Variants in SLC25A43 observed in about 807,000 individuals in gnomAD.
SLC25A43 encodes the protein solute carrier family 25, member 43.
Under a neutral mutation model 22.8 loss-of-function variants are expected in SLC25A43, and 10 were observed. The observed-to-expected ratio is 0.44, with a 90% CI of 0.27 to 0.74. The LOEUF (loss-of-function observed/expected upper bound fraction) is 0.74. SLC25A43 is among the 30% of genes least tolerant of loss of function. The pLI is 0.17. For synonymous variants in SLC25A43, 106 were observed against 121.6 expected (o/e 0.87, Z 0.84); for missense variants, 233 against 279.1 (o/e 0.83, Z 1.18).
chrX:119,413,363 A>G (rs1276371131), intron 3 of SLC25A43, among the ~76,000 whole-genome samples: 1 of 111,501 alleles, frequency 9.0e-6, no homozygotes, highest in Non-Finnish European at 1.9e-5. Context: ...ATATAAAGAT[A>G]TATAAGGTTA....
intron 3 of SLC25A43, among the ~76,000 whole-genome samples, chrX:119,432,670 TC>T (rs1429219377): frequency 9.2e-6 from 1 of 108,142 alleles, no homozygotes; most frequent in Non-Finnish European, 1.9e-5. Flanking sequence ...ACACCTCTAA[TC>T]CCAGCTACTT....
At chrX:119,426,215 C>T in intron 3 of SLC25A43, 4 of 755,796 alleles carry the variant, frequency 5.3e-6, no homozygotes, top group South Asian at 6.7e-5. Context: ...CGGCTGTGTT[C>T]CTCTTGAGGC....
chrX:119,414,224 G>A (rs1010350244), intron 3 of SLC25A43, among the ~76,000 whole-genome samples: 1 of 112,065 alleles, frequency 8.9e-6, no homozygotes, highest in African/African-American at 3.2e-5. Flanking sequence ...TGTAAGTTTT[G>A]TATTTATGTC....
intron 3 of SLC25A43, among the ~76,000 whole-genome samples, chrX:119,429,794 T>C (rs1233981441): frequency 8.9e-6 from 1 of 111,763 alleles, no homozygotes; most frequent in South Asian, 3.8e-4. Context: ...AAGATTTCCC[T>C]GGGGAAATGA....
chrX:119,411,377 G>A (rs898005871), intron 3 of SLC25A43, among the ~76,000 whole-genome samples: 3 of 110,192 alleles, frequency 2.7e-5, no homozygotes, highest in African/African-American at 9.9e-5. Context: ...GCACATGCCT[G>A]TAATCCCAGC....
intron 3 of SLC25A43, among the ~76,000 whole-genome samples, chrX:119,416,996 G>T (rs2052407443): frequency 1.8e-5 from 2 of 111,852 alleles, no homozygotes; most frequent in Admixed American, 1.9e-4. Context: ...ACTGCCAGGG[G>T]CATCTCTCCA....
At chrX:119,452,395 G>A (rs932306535) in intron 4 of SLC25A43, among the ~76,000 whole-genome samples, 5 of 110,112 alleles carry the variant, frequency 4.5e-5, no homozygotes, top group Non-Finnish European at 9.5e-5. Context: ...GGAGGTTCAT[G>A]GGCCCCTAAT....
intron 3 of SLC25A43, among the ~76,000 whole-genome samples, chrX:119,414,097 T>C (rs1176888229): frequency 8.9e-6 from 1 of 112,334 alleles, no homozygotes; most frequent in Non-Finnish European, 1.9e-5. Context: ...TAATTATCAA[T>C]ATTAATTGTC....
chrX:119,410,504 C>G, intron 3 of SLC25A43, 142 bp downstream of exon 3: 1 of 612,220 alleles, frequency 1.6e-6, no homozygotes, highest in Non-Finnish European at 2.4e-6. Flanking sequence ...TGCAAACCCC[C>G]ACTCTGTGGC....
At chrX:119,441,646 T>G (rs1193086137) in intron 3 of SLC25A43, among the ~76,000 whole-genome samples, 1 of 111,419 alleles carries the variant, frequency 9.0e-6, no homozygotes, top group African/African-American at 3.3e-5. Flanking sequence ...TTACAGTGAT[T>G]AAGATTTTAC....
At chrX:119,424,069 C>G (rs1330175407) in intron 3 of SLC25A43, among the ~76,000 whole-genome samples, 1 of 109,543 alleles carries the variant, frequency 9.1e-6, no homozygotes, top group Non-Finnish European at 1.9e-5. Flanking sequence ...AAAAATTAGC[C>G]GGGCGTGGTG....
At chrX:119,427,293 G>A (rs1425203458) in intron 3 of SLC25A43, among the ~76,000 whole-genome samples, 4 of 111,526 alleles carry the variant, frequency 3.6e-5, no homozygotes, top group East Asian at 5.7e-4. Context: ...TCTTTTCTTC[G>A]TCCAAGCTGA....
At chrX:119,433,790 G>A (rs1020409530) in intron 3 of SLC25A43, among the ~76,000 whole-genome samples, 10 of 111,690 alleles carry the variant, frequency 9.0e-5, no homozygotes, top group Non-Finnish European at 1.9e-5. Context: ...TGAGGTACTG[G>A]GAGTAGAGCT....
chrX:119,401,264 G>C (rs995531582), intron 1 of SLC25A43, among the ~76,000 whole-genome samples: 1 of 110,992 alleles, frequency 9.0e-6, no homozygotes, highest in African/African-American at 3.3e-5. Context: ...GCATCCATTT[G>C]ACACTAATTT....
At chrX:119,418,490 C>A (rs772378190) in intron 3 of SLC25A43, among the ~76,000 whole-genome samples, 3 of 111,920 alleles carry the variant, frequency 2.7e-5, no homozygotes, top group African/African-American at 9.7e-5. Flanking sequence ...CTGACTGGCC[C>A]CTTTGTCTGG....
In SLC25A43 at chrX:119,445,152, A is replaced by G. The variant is rs1301333575; in HGVS notation, c.691-6857A>G. On this transcript the variant is annotated intron_variant, in intron 3 of 4. Transcript: ENST00000217909. ...CTGTGTGATGCTGAAGCCCACAGGC[A>G]GAAGATTCGCACTCTACCTAGGCTT... Among the ~76,000 whole-genome samples, 4 of 110,379 alleles carry G rather than the reference A, an allele frequency of 3.6e-5. No individual in the cohort carries two copies. In the East Asian group the frequency reaches 1.1e-3, roughly 31 times the overall value.
intron 3 of SLC25A43, among the ~76,000 whole-genome samples, chrX:119,444,713 A>C (rs756819785): frequency 9.6e-6 from 1 of 104,598 alleles, no homozygotes; most frequent in Non-Finnish European, 2.0e-5. Context: ...CAAAAAAAAA[A>C]AAAAAAGAAG....
intron 3 of SLC25A43, among the ~76,000 whole-genome samples, chrX:119,414,391 TTTTTG>T (rs1216219655): frequency 9.0e-6 from 1 of 111,434 alleles, no homozygotes; most frequent in Admixed American, 9.6e-5. Context: ...TGGTGGTGGG[TTTTTG>T]TTTTGTTTTG....
intron 1 of SLC25A43, among the ~76,000 whole-genome samples, chrX:119,402,338 G>T (rs2052245572): frequency 8.9e-6 from 1 of 111,772 alleles, no homozygotes; most frequent in Admixed American, 9.5e-5. Context: ...AGAAATATCT[G>T]CTTAGTTGGA....
Sources: gnomAD v4.1 joint callset for allele counts (sites outside exome capture counted in the v4.1 genomes callset) on GRCh38, gnomAD v4.1.1 for gene constraint, MANE v1.5 for transcripts, NCBI Gene and HGNC (gene_info 2026-07-23, HGNC 2026-07-21) for gene names.